SEL1L3: variants seen among roughly 807,000 people sequenced by gnomAD.
The protein encoded by SEL1L3 is protein sel-1 homolog 3.
A neutral mutation model predicts 142.8 loss-of-function variants in SEL1L3; 76 were observed. The ratio of observed to expected loss-of-function variants is 0.53; its 90% CI spans 0.44 to 0.64. The LOEUF (loss-of-function observed/expected upper bound fraction) is 0.64. Ranked by LOEUF, SEL1L3 falls within the 30% of genes least tolerant of loss-of-function variation. SEL1L3 has a pLI of 0.00. For synonymous variants in SEL1L3, 504 were observed against 519.6 expected (o/e 0.97, Z 0.41); for missense variants, 1,262 against 1,381.7 (o/e 0.91, Z 1.37).
chr4:25,743,598 C>T (rs528756420), downstream of SEL1L3, among the ~76,000 whole-genome samples: 5 of 152,220 alleles, frequency 3.3e-5, no homozygotes, highest in East Asian at 1.9e-4. Flanking sequence ...CAGGACCACT[C>T]GAAGTTGGGA....
intron 11 of SEL1L3, among the ~76,000 whole-genome samples, chr4:25,798,419 G>C (rs1173759430): frequency 6.6e-6 from 1 of 152,042 alleles, no homozygotes; most frequent in Non-Finnish European, 1.5e-5. Context: ...ACTTTCATGA[G>C]ACCCTCCATG....
intron 19 of SEL1L3, among the ~76,000 whole-genome samples, chr4:25,767,153 G>GCCCA (rs1456742211): frequency 6.6e-6 from 1 of 152,046 alleles, no homozygotes; most frequent in African/African-American, 2.4e-5. Context: ...AATTAGCTGG[G>GCCCA]CGTGGTCGTG....
At chr4:25,766,101 G>C (rs1046578500) in intron 19 of SEL1L3, among the ~76,000 whole-genome samples, 7 of 152,122 alleles carry the variant, frequency 4.6e-5, no homozygotes, top group African/African-American at 1.4e-4. Flanking sequence ...CTTTGCTTTA[G>C]CCATGTATTT....
the SEL1L3 span, among the ~76,000 whole-genome samples, chr4:25,741,399 C>T: frequency 6.6e-6 from 1 of 152,130 alleles, no homozygotes; most frequent in African/African-American, 2.4e-5. Context: ...CTGAGGCTGG[C>T]CATATTACCT....
chr4:25,820,033 C>A, intron 7 of SEL1L3, 93 bp from the exon 8 acceptor site: 1 of 1,243,186 alleles, frequency 8.0e-7, no homozygotes. Flanking sequence ...TTTGTTCTCC[C>A]ATTGACATCT....
At chr4:25,814,310 G>A (rs574002129) in intron 9 of SEL1L3, among the ~76,000 whole-genome samples, 57 of 152,238 alleles carry the variant, frequency 3.7e-4, no homozygotes, top group African/African-American at 1.3e-3. Flanking sequence ...CTCGTAGGGG[G>A]CACTCAGTCA....
rs115034439 is a variant in SEL1L3, at chr4:25,799,519, C to T, written c.1956+2764G>A. ...TACTGGGAATTGGAACCTCAACATA[C>T]GGATTTTGGCAAGACACAATTCAGC... On this transcript the variant is annotated intron_variant, in intron 11 of 23. Coordinates refer to ENST00000399878, the MANE Select transcript of SEL1L3 (RefSeq NM_015187.5). Among the ~76,000 whole-genome samples the T allele has an allele frequency of 5.7e-3, 868 of 152,230 alleles. 4 individuals carry two copies. The highest frequency in any genetic ancestry group is 0.02 in the Middle Eastern group (6 of 294).
At chr4:25,831,062 CA>C (rs1364316072) in intron 5 of SEL1L3, among the ~76,000 whole-genome samples, 7 of 151,868 alleles carry the variant, frequency 4.6e-5, no homozygotes. Context: ...CTACACACAC[CA>C]AAAAAAATTT....
At chr4:25,765,929 G>A (rs563694821) in intron 19 of SEL1L3, among the ~76,000 whole-genome samples, 5 of 152,200 alleles carry the variant, frequency 3.3e-5, no homozygotes, top group East Asian at 1.9e-4. Context: ...GTGAGCCACC[G>A]TGCCTGGACT....
intron 8 of SEL1L3, among the ~76,000 whole-genome samples, chr4:25,819,203 G>A (rs577537671): frequency 6.6e-6 from 1 of 152,338 alleles, no homozygotes; most frequent in Non-Finnish European, 1.5e-5. Flanking sequence ...ACCAAGTTTT[G>A]TAACTGATAA....
chr4:25,760,884 C>T (rs960773367), intron 20 of SEL1L3, among the ~76,000 whole-genome samples: 5 of 152,110 alleles, frequency 3.3e-5, no homozygotes, highest in Middle Eastern at 3.2e-3. Context: ...TAGTCTTATC[C>T]TCCCTGTTTT....
intron 9 of SEL1L3, among the ~76,000 whole-genome samples, chr4:25,812,094 A>G (rs904565730): frequency 5.3e-5 from 8 of 152,228 alleles, no homozygotes; most frequent in Non-Finnish European, 1.2e-4. Flanking sequence ...AATTCTAGAC[A>G]GTGCCTGCAA....
chr4:25,806,357 C>G (rs563918212), intron 9 of SEL1L3, among the ~76,000 whole-genome samples: 1 of 151,536 alleles, frequency 6.6e-6, no homozygotes, highest in Admixed American at 6.6e-5. Context: ...TTTTTTAAAG[C>G]TCAGGAGGCA....
chr4:25,793,737 G>T (rs1712518031), intron 11 of SEL1L3, among the ~76,000 whole-genome samples: 2 of 152,130 alleles, frequency 1.3e-5, no homozygotes, highest in African/African-American at 4.8e-5. Context: ...GTTTAGTATG[G>T]CATCTGCTAC....
intron 17 of SEL1L3, among the ~76,000 whole-genome samples, chr4:25,769,303 G>A (rs1375207885): frequency 6.6e-6 from 1 of 152,132 alleles, no homozygotes; most frequent in Non-Finnish European, 1.5e-5. Flanking sequence ...AGGATAGTTA[G>A]ACCTTCAGTC....
chr4:25,847,011 C>T (rs1439139553), intron 2 of SEL1L3, among the ~76,000 whole-genome samples: 1 of 151,816 alleles, frequency 6.6e-6, no homozygotes, highest in Non-Finnish European at 1.5e-5. Context: ...ATGAATACTC[C>T]TTTCCAGCTT....
At chr4:25,831,040 A>G (rs1715405042) in intron 5 of SEL1L3, among the ~76,000 whole-genome samples, 1 of 152,154 alleles carries the variant, frequency 6.6e-6, no homozygotes, top group Non-Finnish European at 1.5e-5. Flanking sequence ...AGAAGGACAA[A>G]TGGGCTAAAG....
Position 25,751,540 on chromosome 4 carries a change from C to T in SEL1L3, c.3260-2976G>A, listed in dbSNP as rs553509255. ...CCAGACCCAGGGACCTTTCCACCAC[C>T]GTGGGAGGTATAAGCAGCAAGAAAG... On this transcript the variant is annotated intron_variant, in intron 23 of 23. Transcript: ENST00000399878. 1.2e-4 allele frequency among the ~76,000 whole-genome samples: 18 copies of T among 151,742 alleles called. No individual in the cohort carries two copies. The South Asian group carries it at 1.5e-3, about 12-fold the overall frequency.
Position 25,776,638 on chromosome 4 carries a change from A to G in SEL1L3, c.2586-278T>C, listed in dbSNP as rs373830800. ...ATATCCACCAATATGAAAAAATATA[A>G]TCTCTACCAAGAGTTCTAGTACTCT... On this transcript the variant is annotated intron_variant, in intron 16 of 23. Coordinates refer to ENST00000399878, the MANE Select transcript of SEL1L3 (RefSeq NM_015187.5). The G allele has an allele frequency of 4.7e-4, 160 of 342,790 alleles. 1 individual carries two copies. The highest frequency in any genetic ancestry group is 2.9e-3 in the African/African-American group (138 of 46,982). The allele number at this position is 342,790 out of a possible 1,614,324, so 21.2% of individuals were successfully genotyped here. A position where few individuals can be genotyped will look rare whatever the true frequency, so the allele number is the denominator to read the frequency against.
Sources: allele counts gnomAD v4.1 joint callset (sites outside exome capture counted in the v4.1 genomes callset), GRCh38; gene constraint gnomAD v4.1.1; transcripts MANE v1.5; gene names NCBI Gene and HGNC (gene_info 2026-07-23, HGNC 2026-07-21).